The following KCTD8 variants were observed in gnomAD, a reference collection of about 807,000 sequenced individuals.
The protein encoded by KCTD8 is potassium channel tetramerization domain containing 8, also known as BTB/POZ domain-containing protein KCTD8.
KCTD8 carries 27 observed loss-of-function variants against 31.5 expected under a neutral mutation model. That is an observed-to-expected ratio of 0.86 (90% CI 0.63 to 1.18). The LOEUF is 1.18. KCTD8 is among the 50% of genes most tolerant of loss of function. KCTD8 has a pLI of 0.00. For synonymous variants in KCTD8, 290 were observed against 280.0 expected, an observed-to-expected ratio of 1.04 and a Z score of -0.36; for missense variants, 658 against 647.7, an observed-to-expected ratio of 1.02 and a Z score of -0.17.
intron 1 of KCTD8, among the ~76,000 whole-genome samples, chr4:44,380,631 A>T (rs1720041492): frequency 6.6e-6 from 1 of 151,946 alleles, no homozygotes; most frequent in Admixed American, 6.6e-5. Flanking sequence ...CTTACTACAG[A>T]GTTTCCACAA....
chr4:44,303,858 A>G (rs1033669827), intron 1 of KCTD8, among the ~76,000 whole-genome samples: 1 of 152,110 alleles, frequency 6.6e-6, no homozygotes, highest in African/African-American at 2.4e-5. Context: ...AACATTTTCT[A>G]AAATTGGCTA....
chr4:44,352,801 C>G (rs1719236408), intron 1 of KCTD8, among the ~76,000 whole-genome samples: 1 of 151,808 alleles, frequency 6.6e-6, no homozygotes, highest in Admixed American at 6.6e-5. Flanking sequence ...TTATGTAACA[C>G]CTCTCTATCT....
chr4:44,398,860 C>T (rs559050270), intron 1 of KCTD8, among the ~76,000 whole-genome samples: 4 of 152,220 alleles, frequency 2.6e-5, no homozygotes, highest in Admixed American at 6.6e-5. Flanking sequence ...GGATGATTGA[C>T]GCATATTGAT....
At chr4:44,286,384 C>T (rs774290013) in intron 1 of KCTD8, among the ~76,000 whole-genome samples, 3 of 152,056 alleles carry the variant, frequency 2.0e-5, no homozygotes, top group Non-Finnish European at 4.4e-5. Context: ...TCTAATTGCT[C>T]AGGAGAAAAA....
At chr4:44,307,438 C>T (rs1717835618) in intron 1 of KCTD8, among the ~76,000 whole-genome samples, 1 of 151,956 alleles carries the variant, frequency 6.6e-6, no homozygotes, top group Non-Finnish European at 1.5e-5. Context: ...TACACTTGCT[C>T]ATGCGTGATC....
chr4:44,298,664 T>C (rs904423528), intron 1 of KCTD8, among the ~76,000 whole-genome samples: 1 of 152,148 alleles, frequency 6.6e-6, no homozygotes, highest in Admixed American at 6.5e-5. Flanking sequence ...CCTTGACTCA[T>C]TGAACTTTTT....
intron 1 of KCTD8, among the ~76,000 whole-genome samples, chr4:44,202,764 A>G (rs1714188203): frequency 6.6e-6 from 1 of 152,168 alleles, no homozygotes; most frequent in Non-Finnish European, 1.5e-5. Context: ...ACCCCCAAAT[A>G]CAAAATCTAA....
chr4:44,205,718 A>T (rs912241307), intron 1 of KCTD8, among the ~76,000 whole-genome samples: 24 of 152,244 alleles, frequency 1.6e-4, no homozygotes, highest in African/African-American at 5.8e-4. Flanking sequence ...CCCAACTGAG[A>T]CATAAACAAA....
At position 44,278,387 on chromosome 4, in the gene KCTD8, A is replaced by G. The variant is rs150831586; in HGVS notation, c.962-103137T>C. On this transcript the variant is annotated intron_variant, in intron 1 of 1. Coordinates refer to ENST00000360029, the MANE Select transcript of KCTD8 (RefSeq NM_198353.3). ...TTCTGTCTATTCCTGTGGCAGGAAAAGAAAAACAGCTATCAAGTGCTCTTA... is the reference window on the plus strand; with the variant it reads ...TTCTGTCTATTCCTGTGGCAGGAAAGGAAAAACAGCTATCAAGTGCTCTTA... Among the ~76,000 whole-genome samples, 815 of 152,130 alleles carry G rather than the reference A, an allele frequency of 5.4e-3. 12 individuals are homozygous for G. The highest frequency in any genetic ancestry group is 0.018 in the African/African-American group (759 of 41,530).
In KCTD8 at chr4:44,174,882, T is replaced by C. The variant is rs746019348; in HGVS notation, c.1330A>G (p.Ile444Val). The C allele has an allele frequency of 5.0e-6, 8 of 1,614,156 alleles. No individual in the cohort carries two copies. The highest frequency in any genetic ancestry group is 6.8e-6 in the Non-Finnish European group (8 of 1,179,986). ...ATGTGGATTTTTTTAAAATCCTGAA[T>C]ACACTTTTTCATTTCTTCTTCCACA... ...LSVEEEMKKCIQDFKKIHIPD... is the reference protein window; with the variant it reads ...LSVEEEMKKCVQDFKKIHIPD... The change falls in exon 2 of 2, where the codon ATT becomes GTT. Residue 444 changes from isoleucine (I) to valine (V), a missense_variant. Coordinates refer to ENST00000360029, the MANE Select transcript of KCTD8 (RefSeq NM_198353.3).
At chr4:44,209,530 A>C (rs1458797085) in intron 1 of KCTD8, among the ~76,000 whole-genome samples, 6 of 151,048 alleles carry the variant, frequency 4.0e-5, no homozygotes, top group Admixed American at 1.3e-4. Context: ...ACACACACAC[A>C]CCCCACACAC....
intron 1 of KCTD8, among the ~76,000 whole-genome samples, chr4:44,180,912 A>T (rs1019315896): frequency 6.6e-6 from 1 of 152,222 alleles, no homozygotes; most frequent in African/African-American, 2.4e-5. Flanking sequence ...AGAAATTACC[A>T]CAGAACAAGG....
intron 1 of KCTD8, among the ~76,000 whole-genome samples, chr4:44,303,086 A>C (rs972737786): frequency 4.6e-5 from 7 of 152,118 alleles, no homozygotes; most frequent in Non-Finnish European, 1.0e-4. Context: ...ATCAGGGTGG[A>C]TAAGCTTTTT....
intron 1 of KCTD8, among the ~76,000 whole-genome samples, chr4:44,235,554 T>G (rs1560402043): frequency 3.3e-5 from 3 of 91,268 alleles, no homozygotes; most frequent in African/African-American, 9.9e-5. Flanking sequence ...TATATATATA[T>G]ATATATATAT....
intron 1 of KCTD8, among the ~76,000 whole-genome samples, chr4:44,258,998 T>C (rs942166503): frequency 1.4e-4 from 21 of 151,944 alleles, no homozygotes; most frequent in Admixed American, 2.6e-4. Context: ...ACTGTTATTA[T>C]ACCATTTAGG....
intron 1 of KCTD8, among the ~76,000 whole-genome samples, chr4:44,429,525 G>A (rs1191769553): frequency 2.0e-5 from 3 of 151,766 alleles, no homozygotes; most frequent in African/African-American, 7.3e-5. Context: ...GGCATGTGCT[G>A]AGATGTGAGA....
intron 1 of KCTD8, among the ~76,000 whole-genome samples, chr4:44,203,107 A>G (rs1401183035): frequency 6.6e-6 from 1 of 152,210 alleles, no homozygotes; most frequent in Non-Finnish European, 1.5e-5. Flanking sequence ...AATGGAGACT[A>G]ATGAGCCTGC....
rs888360073 is a variant in KCTD8 at position 44,374,263 on chromosome 4, C to G, written c.961+73300G>C. Among the ~76,000 whole-genome samples the G allele has an allele frequency of 3.3e-5, 5 of 152,272 alleles. No homozygotes were observed. The South Asian group carries it at 1.0e-3, about 32-fold the overall frequency. The stretch of plus-strand genomic sequence containing the variant: ...GACAATCAAGCTGCAGAGGAGAGAA[C>G]AGCGGGCTGACCTAAAGACTGCTAG... On this transcript the variant is annotated intron_variant, in intron 1 of 1. Coordinates refer to ENST00000360029, the MANE Select transcript of KCTD8 (RefSeq NM_198353.3).
chr4:44,210,678 T>C (rs1244212713), intron 1 of KCTD8, among the ~76,000 whole-genome samples: 1 of 152,162 alleles, frequency 6.6e-6, no homozygotes, highest in East Asian at 1.9e-4. Context: ...AAAATCAATT[T>C]CCTGTAGTAA....
Sources: gnomAD v4.1 joint callset for allele counts (sites outside exome capture counted in the v4.1 genomes callset) on GRCh38, gnomAD v4.1.1 for gene constraint, MANE v1.5 for transcripts, NCBI Gene and HGNC (gene_info 2026-07-23, HGNC 2026-07-21) for gene names.